The following CHCHD6 variants were observed in gnomAD, a reference collection of about 807,000 sequenced individuals.
CHCHD6 encodes MICOS complex subunit MIC25.
CHCHD6 carries 28 observed loss-of-function variants against 32.3 expected under a neutral mutation model. That is an observed-to-expected ratio of 0.87 (90% CI 0.64 to 1.19). The LOEUF (loss-of-function observed/expected upper bound fraction) is 1.19, where lower values mean the gene tolerates loss of function less well. Among genes scored for constraint, CHCHD6 ranks in the 50% most tolerant of loss-of-function variants. The probability of loss-of-function intolerance (pLI) is 0.00; values close to 1 mark genes in which losing one functional copy is unlikely to be tolerated. For missense variants in CHCHD6, 333 were observed against 307.0 expected (o/e 1.08, Z -0.63); for synonymous variants, 122 against 117.5 (o/e 1.04, Z -0.25).
At chr3:126,795,987 A>G (rs1386564036) in intron 4 of CHCHD6, among the ~76,000 whole-genome samples, 1 of 152,152 alleles carries the variant, frequency 6.6e-6, no homozygotes, top group Non-Finnish European at 1.5e-5. Flanking sequence ...GTTTGCAGAA[A>G]GGGTGGTGAC....
At chr3:126,709,041 A>G (rs1262493885) in intron 1 of CHCHD6, among the ~76,000 whole-genome samples, 2 of 152,192 alleles carry the variant, frequency 1.3e-5, no homozygotes, top group African/African-American at 4.8e-5. Flanking sequence ...TCTCCTGTAT[A>G]CTTTAAATTA....
intron 6 of CHCHD6, among the ~76,000 whole-genome samples, chr3:126,955,532 G>A (rs758396822): frequency 2.6e-5 from 4 of 152,184 alleles, no homozygotes; most frequent in Non-Finnish European, 2.9e-5. Flanking sequence ...GGCCTCCCCT[G>A]GCAGGAAGGG....
intron 4 of CHCHD6, among the ~76,000 whole-genome samples, chr3:126,792,228 G>C (rs150090244): frequency 6.7e-6 from 1 of 148,440 alleles, no homozygotes; most frequent in East Asian, 2.0e-4. Flanking sequence ...TATATACTTA[G>C]AATATATATT....
chr3:126,926,383 A>G (rs1233255633), intron 6 of CHCHD6, among the ~76,000 whole-genome samples: 1 of 152,228 alleles, frequency 6.6e-6, no homozygotes, highest in Non-Finnish European at 1.5e-5. Context: ...GAAATACCCC[A>G]TGACAGATGG....
intron 4 of CHCHD6, among the ~76,000 whole-genome samples, chr3:126,824,454 G>A (rs1221271249): frequency 1.4e-5 from 2 of 144,850 alleles, no homozygotes; most frequent in African/African-American, 2.6e-5. Context: ...TCAGCTACTC[G>A]GGAGACTGAA....
chr3:126,865,674 G>A (rs899556799), intron 5 of CHCHD6: 11 of 984,976 alleles, frequency 1.1e-5, no homozygotes, highest in Non-Finnish European at 1.3e-5. Flanking sequence ...CTCCCTCACT[G>A]CCCCCACTTC....
At chr3:126,906,511 C>T (rs2078008615) in intron 5 of CHCHD6, among the ~76,000 whole-genome samples, 1 of 152,226 alleles carries the variant, frequency 6.6e-6, no homozygotes. Flanking sequence ...CGACAGCGCT[C>T]ATCTTGCTGC....
At chr3:126,768,730 C>G (rs1937478480) in intron 4 of CHCHD6, among the ~76,000 whole-genome samples, 1 of 152,144 alleles carries the variant, frequency 6.6e-6, no homozygotes, top group African/African-American at 2.4e-5. Context: ...TCGCCAACAT[C>G]TATTATTTTT....
intron 4 of CHCHD6, among the ~76,000 whole-genome samples, chr3:126,785,677 A>G (rs1277621800): frequency 6.6e-6 from 1 of 152,250 alleles, no homozygotes; most frequent in South Asian, 2.1e-4. Flanking sequence ...ACCATGTTTT[A>G]CAGCCGTATC....
chr3:126,803,038 T>A (rs1408308789), intron 4 of CHCHD6, among the ~76,000 whole-genome samples: 3 of 152,092 alleles, frequency 2.0e-5, no homozygotes, highest in Non-Finnish European at 4.4e-5. Flanking sequence ...CCACCAGGCC[T>A]GCCCTACAAG....
intron 7 of CHCHD6, among the ~76,000 whole-genome samples, chr3:126,958,582 A>G (rs935453629): frequency 6.6e-6 from 1 of 152,084 alleles, no homozygotes; most frequent in African/African-American, 2.4e-5. Context: ...CCCTGCTCAC[A>G]CCCATCTGCC....
chr3:126,922,635 GT>G (rs1559924474), intron 6 of CHCHD6, among the ~76,000 whole-genome samples: 19 of 151,968 alleles, frequency 1.3e-4, no homozygotes, highest in African/African-American at 4.3e-4. Context: ...GTGTGTGTGT[GT>G]GTGTGTGTGT....
chr3:126,817,927 C>T (rs1165909731), intron 4 of CHCHD6, among the ~76,000 whole-genome samples: 1 of 152,108 alleles, frequency 6.6e-6, no homozygotes, highest in Non-Finnish European at 1.5e-5. Context: ...ATAGAGTGTG[C>T]TGAGGACAGT....
At chr3:126,830,456 C>A (rs1940593133) in intron 4 of CHCHD6, among the ~76,000 whole-genome samples, 1 of 152,232 alleles carries the variant, frequency 6.6e-6, no homozygotes, top group Non-Finnish European at 1.5e-5. Flanking sequence ...GTCCATCTTC[C>A]TCCTGGGTGC....
chr3:126,735,690 A>G (rs572036367), intron 4 of CHCHD6, among the ~76,000 whole-genome samples: 1 of 152,292 alleles, frequency 6.6e-6, no homozygotes, highest in South Asian at 2.1e-4. Flanking sequence ...ATTGTCTCTC[A>G]GGTGTTGCAG....
At chr3:126,910,227 A>G (rs929416678) in intron 5 of CHCHD6, among the ~76,000 whole-genome samples, 1 of 144,230 alleles carries the variant, frequency 6.9e-6, no homozygotes, top group Non-Finnish European at 1.5e-5. Context: ...ACAGCGGGCT[A>G]TGATCACACC....
chr3:126,740,341 CTGT>C (rs1936239546), intron 4 of CHCHD6, among the ~76,000 whole-genome samples: 1 of 152,196 alleles, frequency 6.6e-6, no homozygotes, highest in African/African-American at 2.4e-5. Context: ...TCAGCAGGCC[CTGT>C]GCACTGGTGC....
chr3:126,792,901 C>T (rs1434703508), intron 4 of CHCHD6, among the ~76,000 whole-genome samples: 1 of 151,980 alleles, frequency 6.6e-6, no homozygotes, highest in Non-Finnish European at 1.5e-5. Context: ...TACATTTGTT[C>T]TGTGTATTTT....
intron 7 of CHCHD6, chr3:126,958,028 G>C (rs1169734702): frequency 4.4e-6 from 1 of 225,064 alleles, no homozygotes; most frequent in Non-Finnish European, 9.1e-6. Context: ...GTCTACAGGG[G>C]TGTGCTGGCT....
Sources: gnomAD v4.1 joint callset for allele counts (sites outside exome capture counted in the v4.1 genomes callset) on GRCh38, gnomAD v4.1.1 for gene constraint, MANE v1.5 for transcripts, NCBI Gene and HGNC (gene_info 2026-07-23, HGNC 2026-07-21) for gene names.